GABBR2: variants seen among roughly 807,000 people sequenced by gnomAD.
GABBR2 encodes G-protein coupled receptor 51.
In GABBR2, 23 loss-of-function variants were observed where a neutral mutation model predicts 105.6. The observed-to-expected ratio is 0.22, with a 90% CI of 0.16 to 0.31. The LOEUF (loss-of-function observed/expected upper bound fraction) is 0.31. Ranked by LOEUF, GABBR2 falls within the 10% of genes least tolerant of loss-of-function variation. GABBR2 has a pLI of 1.00. For missense variants in GABBR2, 734 were observed against 1,245.5 expected, an observed-to-expected ratio of 0.59 and a Z score of 6.18; for synonymous variants, 478 against 499.7, an observed-to-expected ratio of 0.96 and a Z score of 0.58.
At chr9:98,540,605 T>C (rs1828277085) in intron 3 of GABBR2, among the ~76,000 whole-genome samples, 1 of 152,170 alleles carries the variant, frequency 6.6e-6, no homozygotes, top group African/African-American at 2.4e-5. Flanking sequence ...CCTTTCCCCA[T>C]TCCCAGGCTG....
At chr9:98,393,702 A>C (rs1832236102) in intron 9 of GABBR2, among the ~76,000 whole-genome samples, 1 of 152,246 alleles carries the variant, frequency 6.6e-6, no homozygotes, top group South Asian at 2.1e-4. Context: ...GGAAGCAAAG[A>C]GAAGGGAGTC....
chr9:98,608,275 T>C (rs1489967494), intron 1 of GABBR2: 1 of 557,222 alleles, frequency 1.8e-6, no homozygotes, highest in African/African-American at 1.9e-5. Context: ...ATTTTTGTTG[T>C]TGTTGTTCTT....
At chr9:98,663,361 CTG>C (rs1830292229) in intron 1 of GABBR2, among the ~76,000 whole-genome samples, 1 of 152,112 alleles carries the variant, frequency 6.6e-6, no homozygotes, top group African/African-American at 2.4e-5. Context: ...GCAGAAAACT[CTG>C]TTACAGAACT....
intron 1 of GABBR2, among the ~76,000 whole-genome samples, chr9:98,691,832 G>A (rs938695232): frequency 4.6e-5 from 7 of 152,152 alleles, no homozygotes; most frequent in Admixed American, 4.6e-4. Context: ...GCAGTGAAAG[G>A]CCCTTCCAGG....
intron 9 of GABBR2, among the ~76,000 whole-genome samples, chr9:98,389,362 G>A (rs1024412536): frequency 1.1e-4 from 16 of 152,214 alleles, no homozygotes; most frequent in African/African-American, 3.4e-4. Context: ...GTGGGTACCC[G>A]TGGGTGCCTT....
At chr9:98,505,211 T>C (rs1448515165) in intron 3 of GABBR2, among the ~76,000 whole-genome samples, 1 of 152,244 alleles carries the variant, frequency 6.6e-6, no homozygotes, top group Non-Finnish European at 1.5e-5. Flanking sequence ...CTGATGTGCA[T>C]TCATTAAGAG....
At chr9:98,345,718 C>T (rs1440030747) in intron 13 of GABBR2, among the ~76,000 whole-genome samples, 2 of 152,164 alleles carry the variant, frequency 1.3e-5, no homozygotes, top group African/African-American at 2.4e-5. Flanking sequence ...AGAATCAACA[C>T]AAAAACTCTT....
intron 12 of GABBR2, among the ~76,000 whole-genome samples, chr9:98,370,250 G>A (rs1158233588): frequency 6.6e-6 from 1 of 152,108 alleles, no homozygotes; most frequent in Non-Finnish European, 1.5e-5. Context: ...GTGGAGAACT[G>A]AAGGGTGCTC....
chr9:98,426,315 T>C (rs1367039451), intron 7 of GABBR2, among the ~76,000 whole-genome samples: 12 of 152,162 alleles, frequency 7.9e-5, no homozygotes, highest in Admixed American at 7.2e-4. Context: ...GAAATAGCAA[T>C]CCCAAGATGG....
Position 98,554,644 on chromosome 9 carries a change from C to G in GABBR2, c.460-12601G>C, listed in dbSNP as rs553702660. Among the ~76,000 whole-genome samples, 20 of 152,250 alleles carry G rather than the reference C, an allele frequency of 1.3e-4. 1 individual carries two copies. Among genetic ancestry groups the G allele is most frequent in the South Asian group, 1.0e-3 (5 of 4,818 alleles). ...GCTGCCTATCACCCAGTTTAAGAGA[C>G]AGCATTTATTTATTATGATAAATTG... On this transcript the variant is annotated intron_variant, in intron 2 of 18. Coordinates refer to ENST00000259455, the MANE Select transcript of GABBR2 (RefSeq NM_005458.8).
chr9:98,583,814 G>A (rs762904130), intron 1 of GABBR2, among the ~76,000 whole-genome samples: 1 of 152,170 alleles, frequency 6.6e-6, no homozygotes. Flanking sequence ...AATGTTATGC[G>A]TATTTCACAT....
intron 7 of GABBR2, among the ~76,000 whole-genome samples, chr9:98,410,587 G>A (rs1441266729): frequency 6.7e-6 from 1 of 148,538 alleles, no homozygotes; most frequent in East Asian, 2.0e-4. Context: ...GTGGGGCCCA[G>A]CAGCTTCTGA....
chr9:98,577,567 C>T (rs535610598), intron 2 of GABBR2, among the ~76,000 whole-genome samples: 6 of 152,202 alleles, frequency 3.9e-5, no homozygotes, highest in South Asian at 2.1e-4. Flanking sequence ...AGGTCCAGGG[C>T]GCATGTGTGG....
At chr9:98,360,812 G>A (rs370594207) in intron 13 of GABBR2, among the ~76,000 whole-genome samples, 1 of 152,228 alleles carries the variant, frequency 6.6e-6, no homozygotes, top group African/African-American at 2.4e-5. Flanking sequence ...TGGCACTGCT[G>A]GTGTCTCCCC....
chr9:98,473,407 C>A, intron 5 of GABBR2, 61 bp from the exon 6 acceptor site: 1 of 1,114,416 alleles, frequency 9.0e-7, no homozygotes, highest in Non-Finnish European at 1.4e-6. Flanking sequence ...GCTCTGTGCC[C>A]TGGAAGACAG....
chr9:98,404,474 T>C (rs1832454521), intron 8 of GABBR2, among the ~76,000 whole-genome samples: 1 of 152,184 alleles, frequency 6.6e-6, no homozygotes, highest in African/African-American at 2.4e-5. Flanking sequence ...TAACTCACTT[T>C]AATTTCTTGC....
intron 7 of GABBR2, among the ~76,000 whole-genome samples, chr9:98,448,186 A>G (rs1826169550): frequency 6.6e-6 from 1 of 151,984 alleles, no homozygotes; most frequent in Non-Finnish European, 1.5e-5. Context: ...TCTCTTTCCA[A>G]CTGTGATCGT....
At chr9:98,381,864 C>T (rs1417575246) in intron 11 of GABBR2, among the ~76,000 whole-genome samples, 1 of 152,120 alleles carries the variant, frequency 6.6e-6, no homozygotes, top group Admixed American at 6.5e-5. Context: ...AGCGTGACTC[C>T]CAGAATAGAA....
At chr9:98,467,166 G>C in intron 6 of GABBR2, among the ~76,000 whole-genome samples, 1 of 152,204 alleles carries the variant, frequency 6.6e-6, no homozygotes, top group East Asian at 1.9e-4. Flanking sequence ...TTTCCAGTGA[G>C]GTGGCAACAT....
Sources: allele counts gnomAD v4.1 joint callset (sites outside exome capture counted in the v4.1 genomes callset), GRCh38; gene constraint gnomAD v4.1.1; transcripts MANE v1.5; gene names NCBI Gene and HGNC (gene_info 2026-07-23, HGNC 2026-07-21).